The following DAB1 variants were observed in gnomAD, a reference collection of about 807,000 sequenced individuals.
The protein encoded by DAB1 is disabled homolog 1.
A neutral mutation model predicts 64.6 loss-of-function variants in DAB1; 15 were observed. That is an observed-to-expected ratio of 0.23 (90% CI 0.16 to 0.36). DAB1 has a LOEUF of 0.36. Ranked by LOEUF, DAB1 falls within the 10% of genes least tolerant of loss-of-function variation. DAB1 has a pLI of 1.00. For missense variants in DAB1, 596 were observed against 706.7 expected (o/e 0.84, Z 1.78); for synonymous variants, 235 against 251.9 (o/e 0.93, Z 0.64).
At chr1:57,408,389 C>T (rs1029518029) in intron 1 of DAB1, among the ~76,000 whole-genome samples, 3 of 152,168 alleles carry the variant, frequency 2.0e-5, no homozygotes, top group Admixed American at 6.5e-5. Flanking sequence ...CTCATGAATG[C>T]TTCTGGAACA....
chr1:57,722,202 C>CTGTAT (rs1647159780), intron 6 of DAB1, among the ~76,000 whole-genome samples: 1 of 152,158 alleles, frequency 6.6e-6, no homozygotes, highest in African/African-American at 2.4e-5. Flanking sequence ...ATGTAAAGCC[C>CTGTAT]ACAGAGGTAA....
At chr1:57,033,988 G>A (rs1238106108) in intron 9 of DAB1, among the ~76,000 whole-genome samples, 1 of 152,106 alleles carries the variant, frequency 6.6e-6, no homozygotes, top group African/African-American at 2.4e-5. Context: ...TGCCTGAAAT[G>A]CTCTTCCCCT....
At chr1:57,575,664 C>T (rs1645241434) in intron 7 of DAB1, among the ~76,000 whole-genome samples, 1 of 152,192 alleles carries the variant, frequency 6.6e-6, no homozygotes, top group Non-Finnish European at 1.5e-5. Flanking sequence ...TGCCAAAATA[C>T]AGTACTGTAC....
Position 58,079,561 on chromosome 1 carries a change from C to T in DAB1, n.387+70950G>A, listed in dbSNP as rs113277510. On this transcript the variant is annotated intron_variant and non_coding_transcript_variant, in intron 5 of 20. Transcript: ENST00000485760. ...TTTTTGAGATGGAGTCTCGCTCTGTCGCCCAGGTTGGAGTGCAATGGCGCA... is the reference window on the plus strand; with the variant it reads ...TTTTTGAGATGGAGTCTCGCTCTGTTGCCCAGGTTGGAGTGCAATGGCGCA... Among the ~76,000 whole-genome samples, 180 of 122,196 alleles carry T rather than the reference C, an allele frequency of 1.5e-3. 1 individual carries two copies. The highest frequency in any genetic ancestry group is 4.6e-3 in the African/African-American group (149 of 32,344). The allele number at this position is 122,196 out of a possible 152,430, so 80.2% of individuals were successfully genotyped here.
At chr1:57,978,077 T>C (rs114126260) in intron 5 of DAB1, among the ~76,000 whole-genome samples, 12,521 of 152,170 alleles carry the variant, frequency 0.082, 583 homozygotes, top group Non-Finnish European at 0.089. Context: ...TTAAAGTTCA[T>C]ATGGAACCGA....
At chr1:57,747,702 G>C (rs1409899954) in intron 6 of DAB1, among the ~76,000 whole-genome samples, 1 of 151,132 alleles carries the variant, frequency 6.6e-6, no homozygotes, top group Non-Finnish European at 1.5e-5. Flanking sequence ...CCAGTTACTT[G>C]GGAGGGTGAG....
intron 4 of DAB1, among the ~76,000 whole-genome samples, chr1:58,321,052 C>T (rs1419273794): frequency 6.6e-6 from 1 of 152,234 alleles, no homozygotes; most frequent in African/African-American, 2.4e-5. Context: ...GTAAGACCAC[C>T]TCCACTCCCT....
intron 4 of DAB1, among the ~76,000 whole-genome samples, chr1:57,112,882 G>A (rs1421279808): frequency 5.3e-5 from 8 of 152,126 alleles, no homozygotes; most frequent in Admixed American, 2.6e-4. Context: ...AGAAAACCAC[G>A]TTTTAGAAAT....
intron 3 of DAB1, among the ~76,000 whole-genome samples, chr1:58,404,383 A>C (rs946244061): frequency 2.6e-5 from 4 of 152,252 alleles, no homozygotes; most frequent in African/African-American, 9.6e-5. Context: ...CAAAGTAGAC[A>C]GGCTGCGCCA....
intron 2 of DAB1, among the ~76,000 whole-genome samples, chr1:57,198,649 T>TCTCTCTCTCTCACACACACA: frequency 7.8e-6 from 1 of 128,334 alleles, no homozygotes; most frequent in East Asian, 2.2e-4. Flanking sequence ...CTTCTCTCTC[T>TCTCTCTCTCTCACACACACA]CACACACACA....
chr1:57,052,254 A>G (rs935332063), intron 9 of DAB1, among the ~76,000 whole-genome samples: 1 of 152,152 alleles, frequency 6.6e-6, no homozygotes, highest in Non-Finnish European at 1.5e-5. Flanking sequence ...TTCTTAGTAC[A>G]TATGGTTAGT....
intron 2 of DAB1, among the ~76,000 whole-genome samples, chr1:57,194,268 A>G (rs1487578580): frequency 6.6e-6 from 1 of 152,130 alleles, no homozygotes; most frequent in Admixed American, 6.5e-5. Context: ...AAATGTGGAA[A>G]TGCTTCTCAG....
intron 1 of DAB1, among the ~76,000 whole-genome samples, chr1:57,844,003 C>T (rs1443866608): frequency 6.6e-6 from 1 of 152,232 alleles, no homozygotes; most frequent in Non-Finnish European, 1.5e-5. Context: ...GCCACAATTA[C>T]TTTCTGGCTG....
chr1:58,362,579 C>T lies in DAB1; in HGVS notation n.258-19176G>A, dbSNP rs114949917. Among the ~76,000 whole-genome samples the T allele has an allele frequency of 6.7e-3, 1,027 of 152,222 alleles. 7 individuals are homozygous for T. Among genetic ancestry groups the T allele is most frequent in the Middle Eastern group, 0.01 (3 of 294 alleles). ...CCAGGGCCAATAAATTTTCTCTTTG[C>T]TTATGTTCAAGTTTGCTTTCTATCA... On this transcript the variant is annotated intron_variant and non_coding_transcript_variant, in intron 3 of 20. Transcript: ENST00000485760.
chr1:57,371,522 C>T (rs1033133674), intron 1 of DAB1, among the ~76,000 whole-genome samples: 2 of 152,110 alleles, frequency 1.3e-5, no homozygotes, highest in African/African-American at 2.4e-5. Flanking sequence ...TTTATGGAAG[C>T]GTCTAATGAC....
chr1:58,032,067 T>C (rs1646980255), intron 5 of DAB1, among the ~76,000 whole-genome samples: 1 of 151,136 alleles, frequency 6.6e-6, no homozygotes, highest in South Asian at 2.1e-4. Flanking sequence ...ACTCTGCTTC[T>C]CAAAGTGTGG....
chr1:58,544,225 A>G (rs1356562667), intron 1 of DAB1, among the ~76,000 whole-genome samples: 1 of 152,234 alleles, frequency 6.6e-6, no homozygotes, highest in Non-Finnish European at 1.5e-5. Flanking sequence ...TTAACCAAAC[A>G]TTCAGATTTT....
At chr1:57,854,493 A>G (rs12133109) in intron 1 of DAB1, among the ~76,000 whole-genome samples, 3,929 of 152,290 alleles carry the variant, frequency 0.026, 93 homozygotes, top group East Asian at 0.13. Context: ...TCTAATCTTC[A>G]TAACAACCCT....
chr1:57,418,615 G>A (rs544614481), intron 1 of DAB1, among the ~76,000 whole-genome samples: 7 of 152,138 alleles, frequency 4.6e-5, no homozygotes, highest in South Asian at 2.1e-4. Flanking sequence ...TAAACAGCCC[G>A]CCTTCACCAC....
Sources: allele counts gnomAD v4.1 joint callset (sites outside exome capture counted in the v4.1 genomes callset), GRCh38; gene constraint gnomAD v4.1.1; transcripts MANE v1.5; gene names NCBI Gene and HGNC (gene_info 2026-07-23, HGNC 2026-07-21).